PYHIN1: variants seen among roughly 807,000 people sequenced by gnomAD.
The protein encoded by PYHIN1 is pyrin and HIN domain family member 1.
A neutral mutation model predicts 43.7 loss-of-function variants in PYHIN1; 32 were observed. The observed-to-expected ratio is 0.73, with a 90% confidence interval of 0.55 to 0.98. The LOEUF (loss-of-function observed/expected upper bound fraction) is 0.98. PYHIN1 is among the 50% of genes least tolerant of loss of function. The probability of loss-of-function intolerance (pLI) is 0.00; values close to 1 mark genes in which losing one functional copy is unlikely to be tolerated. For missense variants in PYHIN1, 588 were observed against 589.5 expected (o/e 1.00, Z 0.03); for synonymous variants, 205 against 203.1 (o/e 1.01, Z -0.08).
At chr1:158,990,668 C>A in the PYHIN1 span, among the ~76,000 whole-genome samples, 1 of 152,160 alleles carries the variant, frequency 6.6e-6, no homozygotes, top group Admixed American at 6.5e-5. Context: ...TTTCCCATTT[C>A]TCCCTCCCCT....
At chr1:158,974,185 G>A (rs1040845075) in intron 8 of PYHIN1, among the ~76,000 whole-genome samples, 4 of 151,910 alleles carry the variant, frequency 2.6e-5, no homozygotes, top group Non-Finnish European at 5.9e-5. Flanking sequence ...CTTGGCATAT[G>A]CTACTTCCTT....
the PYHIN1 span, among the ~76,000 whole-genome samples, chr1:158,986,417 G>T: frequency 1.3e-5 from 2 of 152,314 alleles, no homozygotes; most frequent in South Asian, 2.1e-4. Flanking sequence ...ACCCCTAGGG[G>T]TCTGAAACTA....
chr1:158,933,885 T>C lies in PYHIN1; in HGVS notation c.-21+2109T>C, dbSNP rs1344344018. 6.6e-6 allele frequency among the ~76,000 whole-genome samples: 1 copy of C among 152,132 alleles called. No homozygotes were observed. The highest frequency in any genetic ancestry group is 1.5e-5 in the Non-Finnish European group (1 of 67,996). ...TTTCATTCTTACTTGTCTTTTGGCC[T>C]GCAGCTTTTTAAAATTTTTTTTTAA... is the stretch of plus-strand genomic sequence containing the variant. On this transcript the variant is annotated intron_variant, in intron 1 of 8. Transcript: ENST00000368140. The surrounding 1 kb of genome is among the most constrained non-coding windows in gnomAD (Gnocchi z 6.3).
chr1:158,969,030 T>G (rs995203642), intron 7 of PYHIN1, among the ~76,000 whole-genome samples: 3 of 152,020 alleles, frequency 2.0e-5, no homozygotes, highest in African/African-American at 7.2e-5. Flanking sequence ...AACCTGCACA[T>G]GTACCTCTGA....
chr1:158,970,110 A>G (rs887058607), intron 7 of PYHIN1, among the ~76,000 whole-genome samples: 1 of 151,926 alleles, frequency 6.6e-6, no homozygotes, highest in Non-Finnish European at 1.5e-5. Flanking sequence ...ATCTGTCATG[A>G]CTCATCTAAA....
At chr1:158,946,233 TC>T (rs1649212587) in intron 7 of PYHIN1, among the ~76,000 whole-genome samples, 1 of 152,178 alleles carries the variant, frequency 6.6e-6, no homozygotes, top group African/African-American at 2.4e-5. Context: ...CTCTCATTCT[TC>T]TCTATAACAG....
At chr1:158,962,670 C>A (rs1386592465) in intron 7 of PYHIN1, among the ~76,000 whole-genome samples, 1 of 152,174 alleles carries the variant, frequency 6.6e-6, no homozygotes, top group East Asian at 1.9e-4. Context: ...AAACAAAGGG[C>A]CTGGTCACTA....
At chr1:158,983,352 G>A in the PYHIN1 span, among the ~76,000 whole-genome samples, 1 of 152,062 alleles carries the variant, frequency 6.6e-6, no homozygotes, top group African/African-American at 2.4e-5. Flanking sequence ...TAACATGAAA[G>A]AATGTTGAAT....
chr1:158,944,912 G>A lies in PYHIN1; in HGVS notation c.1229G>A (p.Arg410Lys), dbSNP rs773979759. ...ACAAACCAGAGAAGCCATGACTCCA[G>A]GAGCATGGCACTACCCCAGGAACAG... ...KNTNQRSHDSRSMALPQEQSQ... is the reference protein window; with the variant it reads ...KNTNQRSHDSKSMALPQEQSQ... The change falls in exon 7 of 9, where the codon AGG becomes AAG. Residue 410 changes from arginine (R) to lysine (K), a missense_variant. By Grantham distance (26) the Arg-to-Lys change is conservative. Transcript: ENST00000368140. The A allele has an allele frequency of 6.2e-7, 1 of 1,611,852 alleles. No homozygotes were observed. Among genetic ancestry groups the A allele is most frequent in the South Asian group, 1.1e-5 (1 of 90,728 alleles).
chr1:158,988,965 C>A, the PYHIN1 span, among the ~76,000 whole-genome samples: 3 of 152,118 alleles, frequency 2.0e-5, no homozygotes, highest in East Asian at 5.8e-4. Flanking sequence ...ATGCTGTCAG[C>A]CTGTACCAAA....
At chr1:158,947,748 A>G (rs1649301267) in intron 7 of PYHIN1, among the ~76,000 whole-genome samples, 1 of 152,202 alleles carries the variant, frequency 6.6e-6, no homozygotes. Context: ...TTAATTGACA[A>G]AGGCTTTGAG....
rs376454961 is a variant in PYHIN1, at chr1:158,934,184, T to TTG, written c.-21+2408_-21+2409insTG. Among the ~76,000 whole-genome samples, 37 of 152,298 alleles carry TTG rather than the reference T, an allele frequency of 2.4e-4. No homozygotes were observed. In the East Asian group the frequency reaches 7.1e-3, roughly 29 times the overall value. On this transcript the variant is annotated intron_variant, in intron 1 of 8. Transcript: ENST00000368140. ...CACATTTTTCTAGAAACCCCAGTGT[T>TTG]ATCAGTGTCATTACTACAAAAGCAA...
At position 158,971,560 on chromosome 1, in the gene PYHIN1, A is replaced by T. The variant is rs762564334; in HGVS notation, c.1360-2087A>T. 1.5e-4 allele frequency among the ~76,000 whole-genome samples: 23 copies of T among 151,982 alleles called. 1 individual carries two copies. The highest frequency in any genetic ancestry group is 2.6e-4 in the Non-Finnish European group (18 of 67,952). On this transcript the variant is annotated intron_variant, in intron 7 of 8. Transcript: ENST00000368140. The stretch of plus-strand genomic sequence containing the variant: ...CTGGATAAACAGAATCCTGACTGGA[A>T]CTGTGCTTTCAGAGAGTGCTGATAG...
the PYHIN1 span, among the ~76,000 whole-genome samples, chr1:158,987,780 C>A: frequency 2.0e-5 from 3 of 152,060 alleles, no homozygotes; most frequent in African/African-American, 7.2e-5. Flanking sequence ...AGTATAATTT[C>A]TTGAAAATGA....
intron 7 of PYHIN1, 142 bp from the exon 8 acceptor site, chr1:158,973,505 T>TCACACACACACA (rs144676333): frequency 1.0e-5 from 5 of 483,372 alleles, no homozygotes; most frequent in Middle Eastern, 4.4e-4. Flanking sequence ...AAAGGGATTT[T>TCACACACACACA]CACACACACA....
Position 158,957,450 on chromosome 1 carries a change from G to A in PYHIN1, c.1359+12408G>A, listed in dbSNP as rs1027022794. 1.7e-3 allele frequency among the ~76,000 whole-genome samples: 253 copies of A among 151,662 alleles called. 1 individual carries two copies. Among genetic ancestry groups the A allele is most frequent in the Non-Finnish European group, 6.2e-4 (42 of 67,808 alleles). On this transcript the variant is annotated intron_variant, in intron 7 of 8. Coordinates refer to ENST00000368140, the MANE Select transcript of PYHIN1 (RefSeq NM_152501.5). Reference sequence around the variant, plus strand: ...GAACAGAGCCCGCAGAAATAATGCCGCATATCTACAACTATCTGATCTTTG... The same window carrying A: ...GAACAGAGCCCGCAGAAATAATGCCACATATCTACAACTATCTGATCTTTG...
In PYHIN1 at chr1:158,959,278, G is replaced by T. The variant is rs1018477438; in HGVS notation, c.1359+14236G>T. The stretch of plus-strand genomic sequence containing the variant: ...AAGACACCAAGGAAGGTGCTGTAAA[G>T]AGTAGCAGCCACAGCCTCGACTAGC... On this transcript the variant is annotated intron_variant, in intron 7 of 8. Transcript: ENST00000368140. Among the ~76,000 whole-genome samples the T allele has an allele frequency of 3.5e-4, 54 of 152,210 alleles. 1 individual carries two copies. Among genetic ancestry groups the T allele is most frequent in the African/African-American group, 1.2e-3 (51 of 41,444 alleles).
At chr1:158,974,995 G>A (rs1280219102) in intron 8 of PYHIN1, among the ~76,000 whole-genome samples, 1 of 151,930 alleles carries the variant, frequency 6.6e-6, no homozygotes, top group Non-Finnish European at 1.5e-5. Context: ...TTTTAAATAC[G>A]CATTATGGTC....
chr1:158,951,061 T>G (rs1055683088), intron 7 of PYHIN1, among the ~76,000 whole-genome samples: 1 of 152,208 alleles, frequency 6.6e-6, no homozygotes, highest in Admixed American at 6.5e-5. Context: ...CATAACTGAT[T>G]AGGTTCTAGT....
Sources: gnomAD v4.1 joint callset for allele counts (sites outside exome capture counted in the v4.1 genomes callset) on GRCh38, gnomAD v4.1.1 for gene constraint, Gnocchi (gnomAD v3.1) non-coding constraint, MANE v1.5 for transcripts, NCBI Gene and HGNC (gene_info 2026-07-23, HGNC 2026-07-21) for gene names.